Variants in PITPNC1 observed in about 807,000 individuals in gnomAD.
PITPNC1 encodes cytoplasmic phosphatidylinositol transfer protein 1.
Under a neutral mutation model 44.7 loss-of-function variants are expected in PITPNC1, and 18 were observed. The observed-to-expected ratio is 0.40, with a 90% CI of 0.28 to 0.60. The LOEUF is 0.60. PITPNC1 is among the 20% of genes least tolerant of loss of function. The probability of loss-of-function intolerance (pLI) is 0.39; values close to 1 mark genes in which losing one functional copy is unlikely to be tolerated. For synonymous variants in PITPNC1, 141 were observed against 149.6 expected, an observed-to-expected ratio of 0.94 and a Z score of 0.42; for missense variants, 290 against 418.4, an observed-to-expected ratio of 0.69 and a Z score of 2.68.
At chr17:67,445,007 G>GT (rs61036060) in intron 1 of PITPNC1, among the ~76,000 whole-genome samples, 127,582 of 151,412 alleles carry the variant, frequency 0.84, 54,443 homozygotes, top group African/African-American at 0.89. Context: ...TATATGTCTT[G>GT]TTTTTTTTAG....
chr17:67,606,215 C>A (rs971625661), intron 5 of PITPNC1, among the ~76,000 whole-genome samples: 4 of 152,086 alleles, frequency 2.6e-5, no homozygotes, highest in Non-Finnish European at 4.4e-5. Context: ...ATATGTCTTA[C>A]ATAAGTCATG....
intron 1 of PITPNC1, among the ~76,000 whole-genome samples, chr17:67,443,616 G>C (rs899704202): frequency 3.4e-5 from 5 of 146,288 alleles, no homozygotes; most frequent in Admixed American, 7.1e-5. Context: ...AGGACAATAG[G>C]CAGAGAGGAC....
intron 6 of PITPNC1, among the ~76,000 whole-genome samples, chr17:67,647,875 G>A (rs1598930549): frequency 2.6e-5 from 4 of 152,112 alleles, no homozygotes; most frequent in South Asian, 2.1e-4. Context: ...AGGTGCTCCC[G>A]GGCATGGTAA....
intron 1 of PITPNC1, among the ~76,000 whole-genome samples, chr17:67,381,830 T>C (rs1358270282): frequency 6.6e-6 from 1 of 152,224 alleles, no homozygotes; most frequent in African/African-American, 2.4e-5. Flanking sequence ...GCTCATGCTT[T>C]GAAGAATCAG....
chr17:67,504,842 ATCTTTT>A (rs1355584373), intron 1 of PITPNC1, among the ~76,000 whole-genome samples: 1 of 152,120 alleles, frequency 6.6e-6, no homozygotes, highest in Non-Finnish European at 1.5e-5. Context: ...TTGATGCGAA[ATCTTTT>A]TCTTTTTTAA....
intron 1 of PITPNC1, among the ~76,000 whole-genome samples, chr17:67,480,879 G>A (rs2039692203): frequency 6.6e-6 from 1 of 152,154 alleles, no homozygotes; most frequent in African/African-American, 2.4e-5. Context: ...CTAAGCTGCT[G>A]TAACAAGAGA....
Position 67,687,810 on chromosome 17 carries a change from C to T in PITPNC1, c.683-4762C>T, listed in dbSNP as rs150408959. ...AAGCCTTAGAGAGCCTCAGTTATTT[C>T]GTTGCACACTGGAAATTGAGAGCTG... On this transcript the variant is annotated intron_variant, in intron 8 of 8. Transcript: ENST00000581322. Among the ~76,000 whole-genome samples, 727 of 152,142 alleles carry T rather than the reference C, an allele frequency of 4.8e-3. 8 individuals are homozygous for T. The highest frequency in any genetic ancestry group is 0.016 in the African/African-American group (681 of 41,520).
At chr17:67,465,002 G>A (rs988610576) in intron 1 of PITPNC1, among the ~76,000 whole-genome samples, 2 of 152,206 alleles carry the variant, frequency 1.3e-5, no homozygotes, top group African/African-American at 4.8e-5. Context: ...GTCTCCCAAA[G>A]TGCTGGGATT....
At chr17:67,603,318 T>TG (rs2041566207) in intron 5 of PITPNC1, among the ~76,000 whole-genome samples, 1 of 152,156 alleles carries the variant, frequency 6.6e-6, no homozygotes, top group Non-Finnish European at 1.5e-5. Context: ...TCTTCAAGAG[T>TG]AAGAAGTAAT....
chr17:67,482,752 G>T (rs1485081766), intron 1 of PITPNC1, among the ~76,000 whole-genome samples: 1 of 152,188 alleles, frequency 6.6e-6, no homozygotes, highest in African/African-American at 2.4e-5. Flanking sequence ...TGCAAATAAG[G>T]CCCAGATTTG....
At chr17:67,608,147 TAGAG>T (rs2041633540) in intron 5 of PITPNC1, among the ~76,000 whole-genome samples, 1 of 150,352 alleles carries the variant, frequency 6.7e-6, no homozygotes, top group Non-Finnish European at 1.5e-5. Context: ...TATTATCTGA[TAGAG>T]AGGCATATTT....
At chr17:67,566,474 G>A (rs761956152) in intron 4 of PITPNC1, among the ~76,000 whole-genome samples, 1 of 152,166 alleles carries the variant, frequency 6.6e-6, no homozygotes, top group Non-Finnish European at 1.5e-5. Flanking sequence ...AAAGTGCTGG[G>A]ATTACAGGCA....
intron 8 of PITPNC1, among the ~76,000 whole-genome samples, chr17:67,681,650 A>G (rs2042710702): frequency 6.6e-6 from 1 of 151,578 alleles, no homozygotes; most frequent in Non-Finnish European, 1.5e-5. Flanking sequence ...CACTCAAGAA[A>G]ATGGTAAAGG....
chr17:67,622,556 G>T (rs2041847567), intron 5 of PITPNC1, among the ~76,000 whole-genome samples: 1 of 146,420 alleles, frequency 6.8e-6, no homozygotes, highest in Non-Finnish European at 1.5e-5. Flanking sequence ...TGCTTTTCAG[G>T]CTCTCTCCAA....
intron 1 of PITPNC1, among the ~76,000 whole-genome samples, chr17:67,378,671 G>A (rs1170457233): frequency 6.6e-6 from 1 of 152,190 alleles, no homozygotes; most frequent in Non-Finnish European, 1.5e-5. Context: ...GAGCCCCGCG[G>A]GAGGAACCTC....
intron 1 of PITPNC1, among the ~76,000 whole-genome samples, chr17:67,448,289 G>T (rs1286824856): frequency 6.6e-6 from 1 of 152,130 alleles, no homozygotes; most frequent in African/African-American, 2.4e-5. Context: ...GATTTTGGGG[G>T]CTTAATTTAG....
intron 1 of PITPNC1, among the ~76,000 whole-genome samples, chr17:67,413,711 C>T (rs1314364971): frequency 6.6e-6 from 1 of 152,154 alleles, no homozygotes; most frequent in Non-Finnish European, 1.5e-5. Flanking sequence ...ATTGAACACA[C>T]TTGCTGGCTA....
intron 2 of PITPNC1, among the ~76,000 whole-genome samples, chr17:67,546,820 G>A (rs1328442455): frequency 6.6e-6 from 1 of 152,116 alleles, no homozygotes; most frequent in Non-Finnish European, 1.5e-5. Context: ...GATAACTCTG[G>A]TCCCGAAACT....
chr17:67,673,365 T>C (rs1268772689), intron 7 of PITPNC1, among the ~76,000 whole-genome samples: 1 of 152,074 alleles, frequency 6.6e-6, no homozygotes, highest in Non-Finnish European at 1.5e-5. Context: ...AAGAATACCA[T>C]GAAATAAAAA....
Sources: gnomAD v4.1 joint callset for allele counts (sites outside exome capture counted in the v4.1 genomes callset) on GRCh38, gnomAD v4.1.1 for gene constraint, MANE v1.5 for transcripts, NCBI Gene and HGNC (gene_info 2026-07-23, HGNC 2026-07-21) for gene names.